PRUNE2: variants seen among roughly 807,000 people sequenced by gnomAD.
The protein encoded by PRUNE2 is prune homolog 2 with BCH domain.
PRUNE2 carries 164 observed loss-of-function variants against 252.0 expected under a neutral mutation model. That is an observed-to-expected ratio of 0.65 (90% CI 0.57 to 0.74). PRUNE2 has a LOEUF of 0.74. Ranked by LOEUF, PRUNE2 falls within the 30% of genes least tolerant of loss-of-function variation. The pLI is 0.00. For synonymous variants in PRUNE2, 1,292 were observed against 1,350.2 expected, an observed-to-expected ratio of 0.96 and a Z score of 0.94; for missense variants, 3,495 against 3,711.0, an observed-to-expected ratio of 0.94 and a Z score of 1.51.
At chr9:76,805,168 G>GC (rs767752912) in intron 6 of PRUNE2, among the ~76,000 whole-genome samples, 4 of 152,178 alleles carry the variant, frequency 2.6e-5, no homozygotes, top group African/African-American at 4.8e-5. Context: ...AGGCCCAGCT[G>GC]CCCCCGCATT....
intron 17 of PRUNE2, among the ~76,000 whole-genome samples, chr9:76,622,648 A>T (rs1186201244): frequency 6.6e-6 from 1 of 152,232 alleles, no homozygotes; most frequent in Non-Finnish European, 1.5e-5. Context: ...CATGATACAA[A>T]GCAATTTGAG....
chr9:76,663,866 A>C (rs1443323732), intron 9 of PRUNE2, among the ~76,000 whole-genome samples: 4 of 152,210 alleles, frequency 2.6e-5, no homozygotes, highest in African/African-American at 9.6e-5. Context: ...GAGAAGATTA[A>C]ATTAGATGGC....
At chr9:76,840,940 C>A (rs1444077222) in intron 4 of PRUNE2, among the ~76,000 whole-genome samples, 1 of 151,704 alleles carries the variant, frequency 6.6e-6, no homozygotes, top group Non-Finnish European at 1.5e-5. Flanking sequence ...AAGATTGCGC[C>A]ACTGCACTCC....
At chr9:76,843,372 G>A (rs2059499298) in intron 4 of PRUNE2, among the ~76,000 whole-genome samples, 1 of 152,138 alleles carries the variant, frequency 6.6e-6, no homozygotes, top group Non-Finnish European at 1.5e-5. Context: ...ACCTAATGTA[G>A]GTGATGGATT....
At chr9:76,730,733 C>T (rs1339284787) in intron 6 of PRUNE2, among the ~76,000 whole-genome samples, 1 of 152,168 alleles carries the variant, frequency 6.6e-6, no homozygotes, top group Admixed American at 6.5e-5. Flanking sequence ...AACCCCATCT[C>T]TATTAAAAGT....
chr9:76,768,968 A>G (rs2052776366), intron 6 of PRUNE2, among the ~76,000 whole-genome samples: 2 of 152,216 alleles, frequency 1.3e-5, no homozygotes, highest in Non-Finnish European at 2.9e-5. Flanking sequence ...ACAAAGATAT[A>G]TAACTCGACC....
chr9:76,903,673 C>T (rs1033821632), intron 1 of PRUNE2, among the ~76,000 whole-genome samples: 13 of 152,238 alleles, frequency 8.5e-5, no homozygotes, highest in Non-Finnish European at 1.3e-4. Context: ...CTGCAACCTC[C>T]GCCTCCGAGG....
intron 6 of PRUNE2, among the ~76,000 whole-genome samples, chr9:76,731,324 A>ATTT (rs1181079797): frequency 3.0e-4 from 32 of 106,782 alleles, no homozygotes; most frequent in African/African-American, 4.5e-4. Context: ...ATATATATAT[A>ATTT]TTTTTTTTTT....
In PRUNE2 at chr9:76,611,729, T is replaced by G. The variant is rs1827504564; in HGVS notation, c.*2841A>C. ...GAGAATGTCTTAGAGAGTAACCCCA[T>G]AGAACATTGTATGGCTTCAACAGAA... On this transcript the variant is annotated 3_prime_UTR_variant, in exon 19 of 19. Coordinates refer to ENST00000376718, the MANE Select transcript of PRUNE2 (RefSeq NM_015225.3). 2 of 152,590 alleles carry G rather than the reference T, an allele frequency of 1.3e-5. No individual in the cohort carries two copies. Among genetic ancestry groups the G allele is most frequent in the East Asian group, 1.9e-4 (1 of 5,184 alleles). 9.5% of individuals were successfully genotyped at this position (152,590 alleles called of 1,614,324 possible).
intron 6 of PRUNE2, among the ~76,000 whole-genome samples, chr9:76,775,447 C>A (rs1443606230): frequency 6.6e-6 from 1 of 150,664 alleles, no homozygotes; most frequent in Non-Finnish European, 1.5e-5. Context: ...CAGGCATGCA[C>A]TACCATGCCC....
intron 9 of PRUNE2, among the ~76,000 whole-genome samples, chr9:76,677,302 T>C (rs1162633941): frequency 6.6e-6 from 1 of 152,260 alleles, no homozygotes; most frequent in African/African-American, 2.4e-5. Flanking sequence ...TTCATTATTT[T>C]ATTTATGTTC....
chr9:76,725,200 A>G (rs4744805), intron 6 of PRUNE2, among the ~76,000 whole-genome samples: 107,283 of 152,130 alleles, frequency 0.71, 38,366 homozygotes, highest in East Asian at 0.91. Context: ...TGGAAACCAC[A>G]AGGCAAGTCT....
At chr9:76,865,288 T>C (rs2060771592) in intron 1 of PRUNE2, among the ~76,000 whole-genome samples, 1 of 152,028 alleles carries the variant, frequency 6.6e-6, no homozygotes, top group Non-Finnish European at 1.5e-5. Context: ...AGGTCAGGAG[T>C]TCGAGACCAG....
At chr9:76,871,467 G>A (rs1006156326) in intron 1 of PRUNE2, among the ~76,000 whole-genome samples, 3 of 152,218 alleles carry the variant, frequency 2.0e-5, no homozygotes, top group African/African-American at 7.2e-5. Context: ...TGGAAACCAA[G>A]AGATAACTGA....
At chr9:76,867,313 T>A (rs749058606) in intron 1 of PRUNE2, among the ~76,000 whole-genome samples, 7 of 148,948 alleles carry the variant, frequency 4.7e-5, no homozygotes, top group Non-Finnish European at 1.0e-4. Context: ...TATGACACCA[T>A]GGGTACCCAA....
At chr9:76,860,835 A>G (rs1031188923) in intron 1 of PRUNE2, among the ~76,000 whole-genome samples, 2 of 152,190 alleles carry the variant, frequency 1.3e-5, no homozygotes, top group African/African-American at 4.8e-5. Flanking sequence ...AGAAAACCAG[A>G]AAGAAGGTGG....
chr9:76,746,641 C>T (rs189457134), intron 6 of PRUNE2, among the ~76,000 whole-genome samples: 194 of 136,630 alleles, frequency 1.4e-3, no homozygotes, highest in African/African-American at 4.8e-3. Context: ...GGAAGCGGAG[C>T]TTGCAGTGAG....
intron 6 of PRUNE2, among the ~76,000 whole-genome samples, chr9:76,721,553 CAAG>C (rs2047648241): frequency 6.6e-6 from 1 of 152,096 alleles, no homozygotes; most frequent in Admixed American, 6.6e-5. Context: ...ATGGAAAAAT[CAAG>C]TGAGTATATG....
intron 6 of PRUNE2, among the ~76,000 whole-genome samples, chr9:76,805,298 G>A (rs2056856867): frequency 6.6e-6 from 1 of 152,198 alleles, no homozygotes; most frequent in South Asian, 2.1e-4. Context: ...AAGACCAGCA[G>A]AATCATGAGA....
Sources: gnomAD v4.1 joint callset for allele counts (sites outside exome capture counted in the v4.1 genomes callset) on GRCh38, gnomAD v4.1.1 for gene constraint, MANE v1.5 for transcripts, NCBI Gene and HGNC (gene_info 2026-07-23, HGNC 2026-07-21) for gene names.